The following MYO3B variants were observed in gnomAD, a reference collection of about 807,000 sequenced individuals.
The protein encoded by MYO3B is myosin IIIB, also known as myosin-IIIb.
Under a neutral mutation model 174.6 loss-of-function variants are expected in MYO3B, and 156 were observed. The ratio of observed to expected loss-of-function variants is 0.89; its 90% CI spans 0.78 to 1.02. The LOEUF is 1.02. MYO3B is among the 50% of genes least tolerant of loss of function. The pLI is 0.00. For missense variants in MYO3B, 1,632 were observed against 1,639.4 expected (o/e 1.00, Z 0.08); for synonymous variants, 563 against 569.1 (o/e 0.99, Z 0.15).
chr2:170,406,115 T>C (rs1200373487), intron 21 of MYO3B, among the ~76,000 whole-genome samples: 1 of 151,804 alleles, frequency 6.6e-6, no homozygotes, highest in Non-Finnish European at 1.5e-5. Context: ...ACAACTTAAC[T>C]GAAATGTCCA....
chr2:170,425,394 A>C (rs1406440606), intron 22 of MYO3B, among the ~76,000 whole-genome samples: 1 of 152,210 alleles, frequency 6.6e-6, no homozygotes, highest in Non-Finnish European at 1.5e-5. Context: ...ACTGGCTTGC[A>C]CATGTGAGTC....
chr2:170,330,369 C>T (rs1368100913), intron 7 of MYO3B, among the ~76,000 whole-genome samples: 1 of 152,118 alleles, frequency 6.6e-6, no homozygotes, highest in Non-Finnish European at 1.5e-5. Flanking sequence ...AGATAAAATA[C>T]AGAAGAGTGA....
intron 32 of MYO3B, among the ~76,000 whole-genome samples, chr2:170,579,313 G>T (rs1213173927): frequency 6.6e-6 from 1 of 151,172 alleles, no homozygotes; most frequent in African/African-American, 2.4e-5. Context: ...AATATAATTA[G>T]TATATTATAA....
At chr2:170,300,761 C>T (rs191963547) in intron 7 of MYO3B, among the ~76,000 whole-genome samples, 1 of 152,178 alleles carries the variant, frequency 6.6e-6, no homozygotes, top group Non-Finnish European at 1.5e-5. Flanking sequence ...AAACAGACAT[C>T]AGAGTATTTT....
At chr2:170,453,409 TACACACACACACACACAC>T (rs35558091) in intron 23 of MYO3B, among the ~76,000 whole-genome samples, 14 of 131,286 alleles carry the variant, frequency 1.1e-4, no homozygotes, top group Middle Eastern at 7.8e-3. Context: ...GTTTACCATT[TACACACACACACACACAC>T]ACACACACAC....
chr2:170,508,351 A>T (rs1377898764), intron 28 of MYO3B, among the ~76,000 whole-genome samples: 2 of 152,214 alleles, frequency 1.3e-5, no homozygotes, highest in South Asian at 4.1e-4. Context: ...AAACAATTTC[A>T]TGTAGAATCA....
At chr2:170,592,789 T>G (rs1450663718) in intron 32 of MYO3B, among the ~76,000 whole-genome samples, 4 of 152,158 alleles carry the variant, frequency 2.6e-5, no homozygotes, top group Non-Finnish European at 4.4e-5. Flanking sequence ...AATGAATGAA[T>G]CACTCACCAA....
intron 28 of MYO3B, among the ~76,000 whole-genome samples, chr2:170,502,150 G>A (rs1687313354): frequency 6.6e-6 from 1 of 152,096 alleles, no homozygotes; most frequent in Non-Finnish European, 1.5e-5. Context: ...AGAAGTGAAG[G>A]GACTTGTCCA....
intron 32 of MYO3B, among the ~76,000 whole-genome samples, chr2:170,559,988 A>G (rs1034527727): frequency 2.6e-5 from 4 of 152,200 alleles, no homozygotes; most frequent in African/African-American, 7.2e-5. Context: ...TTATCCAAAA[A>G]TAAGACTCCA....
chr2:170,349,546 C>T (rs1312349132), intron 8 of MYO3B: 1 of 152,042 alleles, frequency 6.6e-6, no homozygotes, highest in Non-Finnish European at 1.5e-5. Context: ...TGCCTATAAT[C>T]TCAGCACTTT....
intron 7 of MYO3B, among the ~76,000 whole-genome samples, chr2:170,241,249 G>A (rs140432985): frequency 0.012 from 1,780 of 152,236 alleles, 15 homozygotes; most frequent in Non-Finnish European, 0.02. Flanking sequence ...GGTTATTTAG[G>A]AGGAAGCAAT....
intron 29 of MYO3B, among the ~76,000 whole-genome samples, chr2:170,516,921 A>G (rs533815959): frequency 6.6e-6 from 1 of 152,182 alleles, no homozygotes; most frequent in African/African-American, 2.4e-5. Context: ...AACTCAACCT[A>G]TTCATACACT....
rs1164725707 is a variant in MYO3B, at chr2:170,641,866, G to T, written c.3734-9762G>T. On this transcript the variant is annotated intron_variant, in intron 32 of 34. Transcript: ENST00000408978. ...ATGACTTTATTGTTAAGTGGGGGGG[G>T]GGGGGGAGGGGCGGGGAGCCATAAC... 3.3e-5 allele frequency among the ~76,000 whole-genome samples: 3 copies of T among 90,804 alleles called. 1 individual carries two copies. The highest frequency in any genetic ancestry group is 9.3e-5 in the African/African-American group (2 of 21,432). 59.6% of individuals were successfully genotyped at this position (90,804 alleles called of 152,430 possible). A position where few individuals can be genotyped will look rare whatever the true frequency, so the allele number is the denominator to read the frequency against.
intron 7 of MYO3B, among the ~76,000 whole-genome samples, chr2:170,263,183 G>A (rs1447323777): frequency 6.6e-6 from 1 of 152,178 alleles, no homozygotes; most frequent in Non-Finnish European, 1.5e-5. Flanking sequence ...TAGAAATGCA[G>A]GCAGGGCTTG....
chr2:170,510,971 T>C (rs1454262713), intron 28 of MYO3B, among the ~76,000 whole-genome samples: 1 of 152,218 alleles, frequency 6.6e-6, no homozygotes, highest in Admixed American at 6.5e-5. Context: ...ACAATTTTAT[T>C]CATTTACCAG....
rs138429699 is a variant in MYO3B, at chr2:170,188,459, T to C, written c.2+10170T>C. Among the ~76,000 whole-genome samples the C allele has an allele frequency of 4.3e-3, 660 of 152,294 alleles. 7 individuals carry two copies. The highest frequency in any genetic ancestry group is 0.017 in the Middle Eastern group (5 of 294). On this transcript the variant is annotated intron_variant, in intron 1 of 34. Coordinates refer to ENST00000408978, the MANE Select transcript of MYO3B (RefSeq NM_138995.5). ...TTTTGATTGGAGAGTTTAGTTCATT[T>C]ATATTCAATATTATTGATAAGGACT...
intron 3 of MYO3B, among the ~76,000 whole-genome samples, chr2:170,203,176 T>A (rs764915296): frequency 6.6e-6 from 1 of 152,196 alleles, no homozygotes; most frequent in Non-Finnish European, 1.5e-5. Flanking sequence ...CTAGATGATA[T>A]ACATATTAAT....
chr2:170,413,926 G>A (rs1158423753), intron 22 of MYO3B, among the ~76,000 whole-genome samples: 1 of 151,904 alleles, frequency 6.6e-6, no homozygotes, highest in Admixed American at 6.6e-5. Flanking sequence ...TGTAGTCCCA[G>A]CTACTTGGGA....
intron 30 of MYO3B, among the ~76,000 whole-genome samples, chr2:170,541,646 A>G (rs1237743283): frequency 3.3e-5 from 5 of 152,176 alleles, no homozygotes; most frequent in African/African-American, 9.7e-5. Context: ...ACTGATCTAC[A>G]TGGCCCCGCA....
Sources: allele counts gnomAD v4.1 joint callset (sites outside exome capture counted in the v4.1 genomes callset), GRCh38; gene constraint gnomAD v4.1.1; transcripts MANE v1.5; gene names NCBI Gene and HGNC (gene_info 2026-07-23, HGNC 2026-07-21).